Variants in RAPGEF4 observed in about 807,000 individuals in gnomAD.
The protein encoded by RAPGEF4 is RAP guanine-nucleotide-exchange factor (GEF) 4.
A neutral mutation model predicts 147.9 loss-of-function variants in RAPGEF4; 66 were observed. The ratio of observed to expected loss-of-function variants is 0.45; its 90% CI spans 0.37 to 0.55. RAPGEF4 has a LOEUF of 0.55. RAPGEF4 is among the 20% of genes least tolerant of loss of function. The pLI is 0.00. For missense variants in RAPGEF4, 1,071 were observed against 1,257.3 expected, an observed-to-expected ratio of 0.85 and a Z score of 2.24; for synonymous variants, 419 against 442.7, an observed-to-expected ratio of 0.95 and a Z score of 0.67.
chr2:172,928,177 A>T, intron 6 of RAPGEF4: 1 of 455,158 alleles, frequency 2.2e-6, no homozygotes, highest in Non-Finnish European at 4.4e-6. Flanking sequence ...AGGTGCCAAG[A>T]ACAACTTCAG....
chr2:172,850,736 T>C (rs1220816600), intron 4 of RAPGEF4, among the ~76,000 whole-genome samples: 1 of 152,244 alleles, frequency 6.6e-6, no homozygotes, highest in African/African-American at 2.4e-5. Flanking sequence ...TTTGTCTGTG[T>C]ACTTCCAGAC....
chr2:172,781,751 C>T (rs750690346), intron 1 of RAPGEF4, among the ~76,000 whole-genome samples: 5 of 152,206 alleles, frequency 3.3e-5, no homozygotes, highest in Non-Finnish European at 7.3e-5. Flanking sequence ...TACACACACA[C>T]ACAACCTAAT....
chr2:172,938,744 A>T (rs984411156), intron 6 of RAPGEF4, among the ~76,000 whole-genome samples: 3 of 152,220 alleles, frequency 2.0e-5, no homozygotes, highest in Admixed American at 2.0e-4. Flanking sequence ...ATGAGTTTTG[A>T]CAGATGTCTA....
chr2:172,836,575 C>G (rs1342307974), intron 4 of RAPGEF4, among the ~76,000 whole-genome samples: 1 of 152,170 alleles, frequency 6.6e-6, no homozygotes. Flanking sequence ...GACTTCCTCC[C>G]CCAAATGGAG....
intron 6 of RAPGEF4, among the ~76,000 whole-genome samples, chr2:172,926,033 CGGAGGGAGGGAGGGAG>C (rs568855259): frequency 7.6e-5 from 4 of 52,596 alleles, no homozygotes; most frequent in African/African-American, 9.6e-5. Context: ...GAGGGAGGGA[CGGAGGGAGGGAGGGAG>C]GGAGGGAGGG....
chr2:173,035,942 A>G (rs375062582), intron 27 of RAPGEF4, among the ~76,000 whole-genome samples, 183 bp from the exon 28 acceptor site: 10 of 152,180 alleles, frequency 6.6e-5, no homozygotes, highest in African/African-American at 2.2e-4. Context: ...TGTTGGTCTT[A>G]CAGTGTCAGG....
intron 1 of RAPGEF4, among the ~76,000 whole-genome samples, chr2:172,743,658 G>A (rs1694506512): frequency 6.6e-6 from 1 of 152,204 alleles, no homozygotes; most frequent in African/African-American, 2.4e-5. Flanking sequence ...TTCAGGTGAG[G>A]TGTCCATGTG....
intron 4 of RAPGEF4, among the ~76,000 whole-genome samples, chr2:172,870,402 A>C (rs574182276): frequency 6.6e-6 from 1 of 152,182 alleles, no homozygotes; most frequent in South Asian, 2.1e-4. Flanking sequence ...TAAGGACCCA[A>C]CTAAACTTGT....
intron 6 of RAPGEF4, among the ~76,000 whole-genome samples, chr2:172,935,388 A>C (rs1408467927): frequency 3.9e-5 from 6 of 151,968 alleles, no homozygotes; most frequent in Non-Finnish European, 7.4e-5. Context: ...CCCTATCCCC[A>C]CTCTGAGCCA....
At chr2:172,752,517 A>T (rs1464864279) in intron 1 of RAPGEF4, among the ~76,000 whole-genome samples, 1 of 152,246 alleles carries the variant, frequency 6.6e-6, no homozygotes, top group Non-Finnish European at 1.5e-5. Flanking sequence ...CCATATGTAC[A>T]TTAGACTTAT....
chr2:172,789,386 AG>A (rs373737820), intron 1 of RAPGEF4, among the ~76,000 whole-genome samples: 83 of 152,310 alleles, frequency 5.4e-4, no homozygotes, highest in African/African-American at 1.9e-3. Context: ...TGTGGGTCAT[AG>A]GGGGCCACTT....
Position 173,052,696 on chromosome 2 carries a change from T to A in RAPGEF4, c.*929T>A, listed in dbSNP as rs1559213543. 1.3e-5 allele frequency: 2 copies of A among 152,788 alleles called. No individual in the cohort carries two copies. Among genetic ancestry groups the A allele is most frequent in the East Asian group, 3.8e-4 (2 of 5,196 alleles). The allele number at this position is 152,788 out of a possible 1,614,324, so 9.5% of individuals were successfully genotyped here. A position where few individuals can be genotyped will look rare whatever the true frequency, so the allele number is the denominator to read the frequency against. On this transcript the variant is annotated 3_prime_UTR_variant, in exon 31 of 31. Coordinates refer to ENST00000397081, the MANE Select transcript of RAPGEF4 (RefSeq NM_007023.4). ...TAAATAGTTCATTCAATCAATGGTA[T>A]GGAGTTATTTATTTGCTACATAATA...
intron 3 of RAPGEF4, among the ~76,000 whole-genome samples, chr2:172,809,892 A>T (rs1340226499): frequency 6.6e-6 from 1 of 152,080 alleles, no homozygotes; most frequent in Non-Finnish European, 1.5e-5. Context: ...ATTGCCTGGG[A>T]TGGATTTGAT....
chr2:172,926,831 A>G (rs1331900410), intron 6 of RAPGEF4, among the ~76,000 whole-genome samples: 1 of 152,122 alleles, frequency 6.6e-6, no homozygotes, highest in African/African-American at 2.4e-5. Context: ...CAGCCTCTCA[A>G]AGTGCTGGGA....
At chr2:173,038,157 A>AT (rs1433745984) in intron 29 of RAPGEF4, among the ~76,000 whole-genome samples, 1 of 152,180 alleles carries the variant, frequency 6.6e-6, no homozygotes, top group Non-Finnish European at 1.5e-5. Context: ...CCCTCACACC[A>AT]AAGGCAGGGT....
chr2:173,040,426 A>C (rs532408914), intron 29 of RAPGEF4, among the ~76,000 whole-genome samples: 9 of 152,124 alleles, frequency 5.9e-5, no homozygotes, highest in African/African-American at 2.2e-4. Context: ...GTTGATGTCA[A>C]TGCCACTTCC....
At chr2:172,972,848 A>T (rs541213296) in intron 10 of RAPGEF4, among the ~76,000 whole-genome samples, 4 of 152,216 alleles carry the variant, frequency 2.6e-5, no homozygotes, top group Admixed American at 2.6e-4. Context: ...GAAACCACTG[A>T]CAAGAGTTAA....
chr2:172,736,333 A>T lies in RAPGEF4; in HGVS notation c.65+285A>T, dbSNP rs571505805. 12 of 271,676 alleles carry T rather than the reference A, an allele frequency of 4.4e-5. No individual in the cohort carries two copies. The South Asian group carries it at 1.4e-3, about 32-fold the overall frequency. 16.8% of individuals were successfully genotyped at this position (271,676 alleles called of 1,614,324 possible). A position where few individuals can be genotyped will look rare whatever the true frequency, so the allele number is the denominator to read the frequency against. On this transcript the variant is annotated intron_variant, in intron 1 of 30. Transcript: ENST00000397081. ...CAACCCCCTGCCCTGCCGCGACTCC[A>T]GGCTCCGCTCCTGGGTGGGGGTTTA... is the stretch of plus-strand genomic sequence containing the variant.
chr2:172,917,679 C>G (rs752869606), intron 4 of RAPGEF4, 123 bp from the exon 5 acceptor site: 220 of 809,242 alleles, frequency 2.7e-4, no homozygotes, highest in Non-Finnish European at 4.1e-4. Context: ...CGTTTCATGG[C>G]TCTATAAATA....
Sources: gnomAD v4.1 joint callset for allele counts (sites outside exome capture counted in the v4.1 genomes callset) on GRCh38, gnomAD v4.1.1 for gene constraint, MANE v1.5 for transcripts, NCBI Gene and HGNC (gene_info 2026-07-23, HGNC 2026-07-21) for gene names.